TUFT1: variants seen among roughly 807,000 people sequenced by gnomAD.
TUFT1 encodes the protein tuftelin 1, also known as tuftelin.
A neutral mutation model predicts 57.8 loss-of-function variants in TUFT1; 43 were observed. The observed-to-expected ratio is 0.74, with a 90% CI of 0.58 to 0.96. TUFT1 has a LOEUF of 0.96. TUFT1 is among the 40% of genes least tolerant of loss of function. The pLI is 0.00. For synonymous variants in TUFT1, 166 were observed against 176.7 expected (o/e 0.94, Z 0.48); for missense variants, 459 against 489.0 (o/e 0.94, Z 0.58).
At chr1:151,561,473 GCACACACA>G (rs1214979013) in intron 1 of TUFT1, 1 of 314,262 alleles carries the variant, frequency 3.2e-6, no homozygotes, top group African/African-American at 2.5e-5. Context: ...GCGCGCGCGC[GCACACACA>G]CACACACACA....
At chr1:151,575,816 C>T (rs191769246) in intron 9 of TUFT1, among the ~76,000 whole-genome samples, 1 of 152,216 alleles carries the variant, frequency 6.6e-6, no homozygotes, top group Non-Finnish European at 1.5e-5. Flanking sequence ...TGAACAGACA[C>T]AATTCTTGCC....
At chr1:151,568,948 G>A (rs1666163206) in intron 6 of TUFT1, among the ~76,000 whole-genome samples, 1 of 152,200 alleles carries the variant, frequency 6.6e-6, no homozygotes, top group African/African-American at 2.4e-5. Flanking sequence ...TGATGATGCA[G>A]AGACTGGGAC....
At chr1:151,543,131 A>T (rs1665219117) in intron 1 of TUFT1, among the ~76,000 whole-genome samples, 2 of 152,114 alleles carry the variant, frequency 1.3e-5, no homozygotes, top group Admixed American at 1.3e-4. Flanking sequence ...ACTCTCTGGG[A>T]TGTTTTTATT....
At chr1:151,561,876 A>G in intron 1 of TUFT1, 1 of 1,511,976 alleles carries the variant, frequency 6.6e-7, no homozygotes, top group Non-Finnish European at 8.8e-7. Context: ...GTTGTGAAAG[A>G]AAAAACTGTT....
intron 10 of TUFT1, 136 bp downstream of exon 10, chr1:151,578,962 G>C: frequency 1.5e-6 from 1 of 660,560 alleles, no homozygotes; most frequent in Non-Finnish European, 2.5e-6. Flanking sequence ...ACCAGGTTCA[G>C]GTTATTAGGA....
intron 5 of TUFT1, among the ~76,000 whole-genome samples, chr1:151,565,381 C>G (rs956789751): frequency 6.6e-6 from 1 of 152,274 alleles, no homozygotes; most frequent in Non-Finnish European, 1.5e-5. Flanking sequence ...TTGGTTCAGG[C>G]AGAGTCTTGC....
At chr1:151,554,753 G>T (rs1268711158) in intron 1 of TUFT1, among the ~76,000 whole-genome samples, 1 of 126,870 alleles carries the variant, frequency 7.9e-6, no homozygotes, top group African/African-American at 3.0e-5. Flanking sequence ...GCCCAGACTG[G>T]AGTGCAATAG....
At chr1:151,564,021 T>G in intron 4 of TUFT1, 31 bp downstream of exon 4, 1 of 1,535,274 alleles carries the variant, frequency 6.5e-7, no homozygotes, top group Non-Finnish European at 8.9e-7. Flanking sequence ...ACGCAGTGCC[T>G]AGGTCATTTC....
intron 1 of TUFT1, chr1:151,557,889 A>T (rs567086770): frequency 1.4e-6 from 1 of 717,394 alleles, no homozygotes; most frequent in African/African-American, 1.7e-5. Flanking sequence ...CAGCAACCGA[A>T]TTCCAGTTTA....
At chr1:151,575,859 T>A (rs559250518) in intron 9 of TUFT1, among the ~76,000 whole-genome samples, 3 of 152,184 alleles carry the variant, frequency 2.0e-5, no homozygotes, top group African/African-American at 7.2e-5. Context: ...AGGCATTTTC[T>A]CTCCTTTAGG....
chr1:151,569,519 C>T, intron 6 of TUFT1, 138 bp from the exon 7 acceptor site: 1 of 679,366 alleles, frequency 1.5e-6, no homozygotes, highest in South Asian at 1.7e-5. Flanking sequence ...GTAACTCTCC[C>T]CTTGTGTGAT....
chr1:151,562,704 C>G lies in TUFT1; in HGVS notation c.237+18C>G, dbSNP rs761808640. ...TCATTAAGGTAAGCTTAGTTCACCT[C>G]CAACTTTTCTCCCTGTCCTCTTCCT... On this transcript the variant is annotated intron_variant, in intron 3 of 12. Coordinates refer to ENST00000368849, the MANE Select transcript of TUFT1 (RefSeq NM_020127.3). 1.3e-6 allele frequency: 2 copies of G among 1,599,938 alleles called. No individual in the cohort carries two copies. Among genetic ancestry groups the G allele is most frequent in the Non-Finnish European group, 1.7e-6 (2 of 1,168,124 alleles).
At chr1:151,569,949 T>A in intron 7 of TUFT1, 179 bp downstream of exon 7, 1 of 563,246 alleles carries the variant, frequency 1.8e-6, no homozygotes, top group Non-Finnish European at 3.2e-6. Context: ...TTACACTGTT[T>A]ACTGTCCAAG....
intron 9 of TUFT1, among the ~76,000 whole-genome samples, chr1:151,575,919 T>C (rs894955216): frequency 1.3e-5 from 2 of 152,210 alleles, no homozygotes; most frequent in Non-Finnish European, 2.9e-5. Context: ...TGTCATATTG[T>C]AGCCTCCTTT....
chr1:151,561,004 G>A (rs1665869791), intron 1 of TUFT1, among the ~76,000 whole-genome samples: 1 of 125,886 alleles, frequency 7.9e-6, no homozygotes, highest in Non-Finnish European at 1.8e-5. Flanking sequence ...GTGTGTGTGT[G>A]AGTGTTTGAG....
At chr1:151,566,094 G>A in intron 5 of TUFT1, 69 bp from the exon 6 acceptor site, 1 of 965,740 alleles carries the variant, frequency 1.0e-6, no homozygotes, top group East Asian at 6.3e-5. Context: ...TTGAGTGTTA[G>A]GAGAATAATG....
At chr1:151,545,753 C>G (rs1197825675) in intron 1 of TUFT1, 2 of 502,118 alleles carry the variant, frequency 4.0e-6, no homozygotes, top group Non-Finnish European at 8.4e-6. Context: ...AGTGGAGAGT[C>G]CCAGGGGTGA....
At chr1:151,561,278 G>A (rs77086788) in intron 1 of TUFT1, among the ~76,000 whole-genome samples, 14 of 152,058 alleles carry the variant, frequency 9.2e-5, no homozygotes, top group Non-Finnish European at 1.8e-4. Context: ...GATTACAGGC[G>A]TGAGCCACCG....
At chr1:151,547,255 G>C (rs1033537403) in intron 1 of TUFT1, among the ~76,000 whole-genome samples, 1 of 152,214 alleles carries the variant, frequency 6.6e-6, no homozygotes, top group African/African-American at 2.4e-5. Context: ...TCCTCTGAGC[G>C]AGGAGAGTTA....
Sources: gnomAD v4.1 joint callset for allele counts (sites outside exome capture counted in the v4.1 genomes callset) on GRCh38, gnomAD v4.1.1 for gene constraint, MANE v1.5 for transcripts, NCBI Gene and HGNC (gene_info 2026-07-23, HGNC 2026-07-21) for gene names.